GRM4: variants seen among roughly 807,000 people sequenced by gnomAD.
The protein encoded by GRM4 is metabotropic glutamate receptor 4.
GRM4 carries 28 observed loss-of-function variants against 81.7 expected under a neutral mutation model. The observed-to-expected ratio is 0.34, with a 90% CI of 0.25 to 0.47. The LOEUF (loss-of-function observed/expected upper bound fraction) is 0.47, where lower values mean the gene tolerates loss of function less well. GRM4 is among the 20% of genes least tolerant of loss of function. The pLI is 1.00. For synonymous variants in GRM4, 488 were observed against 528.8 expected (o/e 0.92, Z 1.06); for missense variants, 948 against 1,290.0 (o/e 0.73, Z 4.06).
rs781304278 is a variant in GRM4 at position 34,136,043 on chromosome 6, A to G, written c.-363-2184T>C. On this transcript the variant is annotated intron_variant, in intron 1 of 10. Transcript: ENST00000538487. The surrounding 1 kb of genome is among the most constrained non-coding windows in gnomAD (Gnocchi z 4.1). ...GGTGGGAGAGCCTGCACAGTTAAAC[A>G]CCATCCTGTCCAAATGCCGACGGTG... Among the ~76,000 whole-genome samples, 28 of 152,302 alleles carry G rather than the reference A, an allele frequency of 1.8e-4. No homozygotes were observed. The highest frequency in any genetic ancestry group is 6.8e-3 in the Middle Eastern group (2 of 294).
In GRM4 at chr6:34,092,276, G is replaced by A. The variant is rs1768274964; in HGVS notation, c.520-177C>T. Among the ~76,000 whole-genome samples the A allele has an allele frequency of 6.6e-6, 1 of 151,980 alleles. No homozygotes were observed. The highest frequency in any genetic ancestry group is 1.5e-5 in the Non-Finnish European group (1 of 67,976). ...GAAAGTCTCCCAACCGGCCTCCCTG[G>A]GGTCCCCAAAGACACCCCAACCACA... is the stretch of plus-strand genomic sequence containing the variant. On this transcript the variant is annotated intron_variant, in intron 2 of 10. Coordinates refer to ENST00000538487, the MANE Select transcript of GRM4 (RefSeq NM_000841.4). This position sits in a 1 kb window ranked among gnomAD's most constrained non-coding sequence, Gnocchi z 6.8.
intron 2 of GRM4, among the ~76,000 whole-genome samples, chr6:34,105,592 C>T (rs968071664): frequency 6.6e-5 from 10 of 152,138 alleles, no homozygotes; most frequent in African/African-American, 2.4e-4. Flanking sequence ...GCTCCCTTCC[C>T]TCTGTCTGCC....
rs1334516745 is a variant in GRM4 at position 34,034,221 on chromosome 6, A to G, written c.2442+1447T>C. Among the ~76,000 whole-genome samples, 1 of 152,150 alleles carries G rather than the reference A, an allele frequency of 6.6e-6. No homozygotes were observed. Among genetic ancestry groups the G allele is most frequent in the Non-Finnish European group, 1.5e-5 (1 of 68,022 alleles). ...AAGGACCCCTTCTCCTGCCCCTCCC[A>G]GGCTCCTCTCATTGTCTGCTCTTCC... is the stretch of plus-strand genomic sequence containing the variant. On this transcript the variant is annotated intron_variant, in intron 9 of 10. Transcript: ENST00000538487. The surrounding 1 kb of genome is among the most constrained non-coding windows in gnomAD (Gnocchi z 4.0).
chr6:34,045,026 C>T (rs779933979), intron 6 of GRM4, among the ~76,000 whole-genome samples: 2 of 152,082 alleles, frequency 1.3e-5, no homozygotes, highest in African/African-American at 2.4e-5. Context: ...GATACACACA[C>T]ACACCCCCAC....
At chr6:34,056,422 G>A in intron 6 of GRM4, 122 bp downstream of exon 6, 1 of 872,032 alleles carries the variant, frequency 1.1e-6, no homozygotes. Flanking sequence ...AGGCCCAACT[G>A]CACGTCCTGC....
intron 2 of GRM4, among the ~76,000 whole-genome samples, chr6:34,124,801 A>G (rs1370925153): frequency 1.3e-5 from 2 of 152,084 alleles, no homozygotes; most frequent in Non-Finnish European, 2.9e-5. Flanking sequence ...TCCAGATGGG[A>G]GACAGAAAGC....
In GRM4 at chr6:34,136,702, A is replaced by G. The variant is rs1193611002; in HGVS notation, c.-363-2843T>C. On this transcript the variant is annotated intron_variant, in intron 1 of 10. Coordinates refer to ENST00000538487, the MANE Select transcript of GRM4 (RefSeq NM_000841.4). The surrounding 1 kb of genome is among the most constrained non-coding windows in gnomAD (Gnocchi z 4.1). ...AAGAGCCTGGAGCCTCAAGCTGGTC[A>G]GATCCCCTGCGAGACTTCCCTCCCA... 6.6e-6 allele frequency among the ~76,000 whole-genome samples: 1 copy of G among 152,132 alleles called. No homozygotes were observed. The highest frequency in any genetic ancestry group is 1.9e-4 in the East Asian group (1 of 5,170).
chr6:34,110,106 G>A (rs1769304281), intron 2 of GRM4, among the ~76,000 whole-genome samples: 1 of 152,090 alleles, frequency 6.6e-6, no homozygotes, highest in Non-Finnish European at 1.5e-5. Context: ...AGACCAGCCT[G>A]GGCAATACAG....
chr6:34,146,172 C>G, upstream of GRM4: 1 of 983,938 alleles, frequency 1.0e-6, no homozygotes, highest in African/African-American at 1.7e-5. Context: ...GTGGCGTATG[C>G]CCCCATGTGG....
At position 34,028,136 on chromosome 6, in the gene GRM4, C is replaced by T. The variant is rs745709458; in HGVS notation, c.2673G>A (p.Glu891=). ...GGCACTCACCTGGGGCCTCAAGGTT[C>T]TCGCAGAGCTCAGACTTGGCCTCTC... ...PNGEAKSELC[E]NLEAPALATK... is the part of the protein sequence containing the mutation. The change falls in exon 10 of 11, where the codon GAG becomes GAA. Residue 891 remains glutamate (E), a synonymous_variant. Coordinates refer to ENST00000538487, the MANE Select transcript of GRM4 (RefSeq NM_000841.4). 35 of 1,612,876 alleles carry T rather than the reference C, an allele frequency of 2.2e-5. No homozygotes were observed. Among genetic ancestry groups the T allele is most frequent in the Admixed American group, 6.7e-5 (4 of 59,902 alleles).
intron 6 of GRM4, among the ~76,000 whole-genome samples, chr6:34,046,176 G>A (rs75485481): frequency 2.0e-5 from 3 of 152,074 alleles, no homozygotes; most frequent in Non-Finnish European, 4.4e-5. Flanking sequence ...GCTCCCTCAC[G>A]CCAGGGTAGA....
At chr6:34,120,927 T>A (rs1769785669) in intron 2 of GRM4, among the ~76,000 whole-genome samples, 1 of 152,236 alleles carries the variant, frequency 6.6e-6, no homozygotes, top group South Asian at 2.1e-4. Context: ...ATTTTGAAAC[T>A]GTTACTGGAA....
intron 1 of GRM4, among the ~76,000 whole-genome samples, chr6:34,134,396 C>CA (rs1770370765): frequency 6.6e-6 from 1 of 152,170 alleles, no homozygotes; most frequent in South Asian, 2.1e-4. Context: ...TTCCGGGACT[C>CA]AGAGACCCAG....
intron 2 of GRM4, among the ~76,000 whole-genome samples, chr6:34,101,140 T>A (rs1768814667): frequency 6.6e-6 from 1 of 152,196 alleles, no homozygotes; most frequent in Non-Finnish European, 1.5e-5. Flanking sequence ...ACAGGCTGGT[T>A]TGGGCGGAAT....
chr6:34,076,849 A>G (rs1767337856), intron 3 of GRM4, among the ~76,000 whole-genome samples: 1 of 151,672 alleles, frequency 6.6e-6, no homozygotes, highest in Admixed American at 6.6e-5. Flanking sequence ...TGGAGCCTCA[A>G]CGCTTGGGGG....
At chr6:34,077,380 A>G (rs1035572364) in intron 3 of GRM4, among the ~76,000 whole-genome samples, 1 of 152,118 alleles carries the variant, frequency 6.6e-6, no homozygotes, top group Non-Finnish European at 1.5e-5. Context: ...CACACCTGGT[A>G]GCAGCCAGCT....
intron 3 of GRM4, among the ~76,000 whole-genome samples, chr6:34,084,786 T>TGTTC (rs1408665284): frequency 1.3e-5 from 2 of 152,206 alleles, no homozygotes; most frequent in Non-Finnish European, 2.9e-5. Flanking sequence ...TTGTTCCTAC[T>TGTTC]GTTCTCCCAC....
intron 2 of GRM4, chr6:34,101,926 C>T (rs1768860589): frequency 8.1e-7 from 1 of 1,231,796 alleles, no homozygotes; most frequent in Admixed American, 2.3e-5. Flanking sequence ...CCCCTGGCTT[C>T]TCTCCCGGAG....
At chr6:34,155,438 C>A in exon 1 of GRM4, 2 of 1,300,790 alleles carry the variant, frequency 1.5e-6, no homozygotes, top group South Asian at 1.5e-5. Flanking sequence ...GACAGGCCGG[C>A]GGTTCGCAAC....
Sources: allele counts gnomAD v4.1 joint callset (sites outside exome capture counted in the v4.1 genomes callset), GRCh38; gene constraint gnomAD v4.1.1; non-coding constraint Gnocchi (gnomAD v3.1); transcripts MANE v1.5; gene names NCBI Gene and HGNC (gene_info 2026-07-23, HGNC 2026-07-21).